The following ST6GALNAC2 variants were observed in gnomAD, a reference collection of about 807,000 sequenced individuals.
ST6GALNAC2 encodes the protein alpha-N-acetylgalactosaminide alpha-2,6-sialyltransferase 2.
In ST6GALNAC2, 42 loss-of-function variants were observed where a neutral mutation model predicts 38.7. The ratio of observed to expected loss-of-function variants is 1.09; its 90% CI spans 0.85 to 1.40. ST6GALNAC2 has a LOEUF of 1.40. Among genes scored for constraint, ST6GALNAC2 ranks in the 40% most tolerant of loss-of-function variants. ST6GALNAC2 has a pLI of 0.00. For missense variants in ST6GALNAC2, 506 were observed against 481.7 expected, an observed-to-expected ratio of 1.05 and a Z score of -0.47; for synonymous variants, 233 against 209.0, an observed-to-expected ratio of 1.11 and a Z score of -0.99.
rs1459542367 is a variant in ST6GALNAC2 at position 76,572,661 on chromosome 17, G to A, written c.645C>T (p.Gly215=). 3 of 1,613,984 alleles carry A rather than the reference G, an allele frequency of 1.9e-6. No individual in the cohort carries two copies. The highest frequency in any genetic ancestry group is 1.7e-5 in the Admixed American group (1 of 59,996). ...KNSLVSYWNL[G]FTSVPQGQDL... ...CCTGTCCTTGTGGCACGGAGGTGAA[G>A]CCCAGATTCCAGTAGGAGACGAGGG... is the stretch of plus-strand genomic sequence containing the variant. Residue 215 remains glycine (G), a synonymous_variant, in exon 5 of 9, where the codon GGC becomes GGT. Transcript: ENST00000225276.
Position 76,583,375 on chromosome 17 carries a change from C to A in ST6GALNAC2, c.125+2309G>T, listed in dbSNP as rs368905875. ...TGGGCGACAGAGGGAGACTCTGTCC[C>A]AAAAAAAAAAAGAAGATAATGTATT... On this transcript the variant is annotated intron_variant, in intron 1 of 8. Transcript: ENST00000225276. Among the ~76,000 whole-genome samples, 215 of 97,498 alleles carry A rather than the reference C, an allele frequency of 2.2e-3. 1 individual carries two copies. Among genetic ancestry groups the A allele is most frequent in the Admixed American group, 3.2e-3 (26 of 8,110 alleles). The allele number at this position is 97,498 out of a possible 152,430, so 64.0% of individuals were successfully genotyped here.
At chr17:76,583,401 A>G (rs989262342) in intron 1 of ST6GALNAC2, among the ~76,000 whole-genome samples, 26 of 147,388 alleles carry the variant, frequency 1.8e-4, no homozygotes, top group Non-Finnish European at 3.0e-4. Context: ...ATAATGTATT[A>G]CTTGGGAGGC....
Position 76,573,159 on chromosome 17 carries a change from T to TTCC in ST6GALNAC2, c.530+35_530+36insGGA. On this transcript the variant is annotated intron_variant, in intron 4 of 8. Transcript: ENST00000225276. The surrounding 1 kb of genome is among the most constrained non-coding windows in gnomAD (Gnocchi z 5.1). ...GACACCCCCACCCTCCAGGCAACTCTCCCTCCCGCCCCTCCCCAGCTCCTA... is the reference window on the plus strand; with the variant it reads ...GACACCCCCACCCTCCAGGCAACTCTTCCCCCTCCCGCCCCTCCCCAGCTCCTA... 6 of 1,530,312 alleles carry TTCC rather than the reference T, an allele frequency of 3.9e-6. No individual in the cohort carries two copies. Among genetic ancestry groups the TTCC allele is most frequent in the South Asian group, 1.2e-5 (1 of 83,634 alleles). The allele number at this position is 1,530,312 out of a possible 1,614,324, so 94.8% of individuals were successfully genotyped here. A position where few individuals can be genotyped will look rare whatever the true frequency, so the allele number is the denominator to read the frequency against.
chr17:76,577,408 C>A (rs2075429788), intron 2 of ST6GALNAC2, among the ~76,000 whole-genome samples: 2 of 151,860 alleles, frequency 1.3e-5, no homozygotes, highest in Admixed American at 1.3e-4. Context: ...CCACCTCAGA[C>A]CCTTTGGTTT....
Position 76,584,289 on chromosome 17 carries a change from C to A in ST6GALNAC2, c.125+1395G>T, listed in dbSNP as rs1019007965. 5.3e-5 allele frequency among the ~76,000 whole-genome samples: 8 copies of A among 150,690 alleles called. No individual in the cohort carries two copies. The South Asian group carries it at 1.7e-3, about 32-fold the overall frequency. On this transcript the variant is annotated intron_variant, in intron 1 of 8. Coordinates refer to ENST00000225276, the MANE Select transcript of ST6GALNAC2 (RefSeq NM_006456.3). ...CTCACTGCAGCCTCGACCTCCCAGACTCAAGGGATCTTCTTGGTCAGCTCC... is the reference window on the plus strand; with the variant it reads ...CTCACTGCAGCCTCGACCTCCCAGAATCAAGGGATCTTCTTGGTCAGCTCC...
chr17:76,582,591 T>G (rs1419952246), intron 1 of ST6GALNAC2, among the ~76,000 whole-genome samples: 1 of 152,212 alleles, frequency 6.6e-6, no homozygotes, highest in Non-Finnish European at 1.5e-5. Flanking sequence ...CAACAACTTT[T>G]AATAGAAATG....
intron 5 of ST6GALNAC2, among the ~76,000 whole-genome samples, chr17:76,572,421 C>T (rs1289455715): frequency 6.6e-6 from 1 of 152,172 alleles, no homozygotes; most frequent in Non-Finnish European, 1.5e-5. Context: ...CATTCACATC[C>T]CATACTGCAG....
intron 1 of ST6GALNAC2, among the ~76,000 whole-genome samples, chr17:76,582,586 A>C: frequency 6.6e-6 from 1 of 152,188 alleles, no homozygotes; most frequent in East Asian, 1.9e-4. Context: ...AACAACAACA[A>C]CTTTTAATAG....
At chr17:76,576,312 TA>T (rs2143307947) in intron 2 of ST6GALNAC2, among the ~76,000 whole-genome samples, 1 of 152,166 alleles carries the variant, frequency 6.6e-6, no homozygotes, top group African/African-American at 2.4e-5. Context: ...ATGAGTGACA[TA>T]ACACTGAAAC....
At chr17:76,580,103 C>T (rs1013088991) in intron 1 of ST6GALNAC2, among the ~76,000 whole-genome samples, 1 of 152,126 alleles carries the variant, frequency 6.6e-6, no homozygotes, top group African/African-American at 2.4e-5. Context: ...CAAACAGAGA[C>T]TGTATGTTAG....
In ST6GALNAC2 at chr17:76,573,388, C is replaced by T. The variant is rs778679154; in HGVS notation, c.362-25G>A. 1.3e-6 allele frequency: 2 copies of T among 1,496,252 alleles called. No homozygotes were observed. The highest frequency in any genetic ancestry group is 8.9e-7 in the Non-Finnish European group (1 of 1,119,962). 92.7% of individuals were successfully genotyped at this position (1,496,252 alleles called of 1,614,324 possible). A position where few individuals can be genotyped will look rare whatever the true frequency, so the allele number is the denominator to read the frequency against. On this transcript the variant is annotated intron_variant, in intron 3 of 8. Transcript: ENST00000225276. The surrounding 1 kb of genome is among the most constrained non-coding windows in gnomAD (Gnocchi z 5.1). ...ACTGTGGGTGCAGATGGGGAGCAGC[C>T]ATGAGGAGGGCTGGCATCGGGGGCA...
intron 7 of ST6GALNAC2, 168 bp downstream of exon 7, chr17:76,568,545 A>G (rs966796828): frequency 7.7e-6 from 5 of 652,852 alleles, no homozygotes; most frequent in African/African-American, 7.3e-5. Context: ...AAGGTGCTAA[A>G]TAAAACAGTA....
chr17:76,581,571 A>C (rs191854076), intron 1 of ST6GALNAC2, among the ~76,000 whole-genome samples: 2 of 151,932 alleles, frequency 1.3e-5, no homozygotes. Context: ...GATGATGGGG[A>C]ACCCCCAAGT....
In ST6GALNAC2 at chr17:76,573,060, T is replaced by G; in HGVS notation, c.530+135A>C. The G allele has an allele frequency of 1.9e-6, 2 of 1,028,324 alleles. No homozygotes were observed. Among genetic ancestry groups the G allele is most frequent in the Non-Finnish European group, 2.8e-6 (2 of 720,446 alleles). The allele number at this position is 1,028,324 out of a possible 1,614,324, so 63.7% of individuals were successfully genotyped here. On this transcript the variant is annotated intron_variant, in intron 4 of 8. Transcript: ENST00000225276. The surrounding 1 kb of genome is among the most constrained non-coding windows in gnomAD (Gnocchi z 5.1). ...GGGCCTACTGTTTGTTTTTGCCTTG[T>G]CCATGCCCGTGTGCTGGTCACAACT... is the stretch of plus-strand genomic sequence containing the variant.
chr17:76,583,659 TG>T (rs1402427645), intron 1 of ST6GALNAC2, among the ~76,000 whole-genome samples: 1 of 150,826 alleles, frequency 6.6e-6, no homozygotes, highest in African/African-American at 2.4e-5. Context: ...CCATAGGCAG[TG>T]GTCCAGGGCA....
rs572845263 is a variant in ST6GALNAC2 at position 76,566,009 on chromosome 17, G to A, written c.*95C>T. 7.5e-7 allele frequency: 1 copy of A among 1,334,786 alleles called. No individual in the cohort carries two copies. Among genetic ancestry groups the A allele is most frequent in the Non-Finnish European group, 1.0e-6 (1 of 980,236 alleles). 82.7% of individuals were successfully genotyped at this position (1,334,786 alleles called of 1,614,324 possible). On this transcript the variant is annotated 3_prime_UTR_variant, in exon 9 of 9. Transcript: ENST00000225276. ...CACCCCAGTGCCCTCTGTTGGCAAGGGAAGGTGAAGATTGAAAAGTTAAAA... is the reference window on the plus strand; with the variant it reads ...CACCCCAGTGCCCTCTGTTGGCAAGAGAAGGTGAAGATTGAAAAGTTAAAA...
chr17:76,567,673 C>A, intron 7 of ST6GALNAC2, 121 bp from the exon 8 acceptor site: 5 of 614,104 alleles, frequency 8.1e-6, no homozygotes, highest in East Asian at 3.1e-5. Context: ...CCAGTCAGTT[C>A]TTTATTCGGT....
In ST6GALNAC2 at chr17:76,565,949, C is replaced by G. The variant is rs2075275239; in HGVS notation, c.*155G>C. On this transcript the variant is annotated 3_prime_UTR_variant, in exon 9 of 9. Transcript: ENST00000225276. ...TGAGCCAAGGACAAGCTGGGGTGTC[C>G]TATATTGAACAGACCTCGATGAAAA... 1.4e-6 allele frequency: 1 copy of G among 705,990 alleles called. No homozygotes were observed. Among genetic ancestry groups the G allele is most frequent in the African/African-American group, 1.8e-5 (1 of 55,640 alleles). 43.7% of individuals were successfully genotyped at this position (705,990 alleles called of 1,614,324 possible).
rs1598266446 is a variant in ST6GALNAC2 at position 76,585,080 on chromosome 17, G to T, written c.125+604C>A. 3.9e-5 allele frequency among the ~76,000 whole-genome samples: 6 copies of T among 152,376 alleles called. No individual in the cohort carries two copies. In the South Asian group the frequency reaches 1.2e-3, roughly 32 times the overall value. On this transcript the variant is annotated intron_variant, in intron 1 of 8. Transcript: ENST00000225276. ...GGGGAGGAGAACGCGGATGGAGCCA[G>T]GAGTCACCCCTCTTTCCCTCGGGCG...
Sources: gnomAD v4.1 joint callset for allele counts (sites outside exome capture counted in the v4.1 genomes callset) on GRCh38, gnomAD v4.1.1 for gene constraint, Gnocchi (gnomAD v3.1) non-coding constraint, MANE v1.5 for transcripts, NCBI Gene and HGNC (gene_info 2026-07-23, HGNC 2026-07-21) for gene names.